Variants in SLIT2 observed in about 807,000 individuals in gnomAD.
SLIT2 encodes the protein slit homolog 2 protein.
In SLIT2, 41 loss-of-function variants were observed where a neutral mutation model predicts 185.7. The ratio of observed to expected loss-of-function variants is 0.22; its 90% CI spans 0.17 to 0.29. The LOEUF (loss-of-function observed/expected upper bound fraction) is 0.29. Among genes scored for constraint, SLIT2 ranks in the 10% least tolerant of loss-of-function variants. SLIT2 has a pLI of 1.00. For missense variants in SLIT2, 1,571 were observed against 1,909.0 expected, an observed-to-expected ratio of 0.82 and a Z score of 3.30; for synonymous variants, 693 against 680.2, an observed-to-expected ratio of 1.02 and a Z score of -0.29.
In SLIT2 at chr4:20,617,753, G is replaced by A. The variant is rs73801881; in HGVS notation, c.4348+103G>A. ...AAAGTGAAAAAAAAAAAAAAAACAG[G>A]AGCAACAGAGACAGAGAGAGGGGAG... is the stretch of plus-strand genomic sequence containing the variant. On this transcript the variant is annotated intron_variant, in intron 36 of 36. Coordinates refer to ENST00000504154, the MANE Select transcript of SLIT2 (RefSeq NM_004787.4). 2,041 of 734,890 alleles carry A rather than the reference G, an allele frequency of 2.8e-3. 29 individuals are homozygous for A. The African/African-American group carries it at 0.032, about 12-fold the overall frequency. The allele number at this position is 734,890 out of a possible 1,614,324, so 45.5% of individuals were successfully genotyped here.
At chr4:20,308,573 T>C (rs576096171) in intron 4 of SLIT2, among the ~76,000 whole-genome samples, 1 of 152,208 alleles carries the variant, frequency 6.6e-6, no homozygotes, top group South Asian at 2.1e-4. Flanking sequence ...TCCAGTTGCT[T>C]TGAGTATCAG....
chr4:20,562,806 C>A (rs1283514839), intron 26 of SLIT2, among the ~76,000 whole-genome samples: 1 of 151,712 alleles, frequency 6.6e-6, no homozygotes, highest in Non-Finnish European at 1.5e-5. Flanking sequence ...CATCAAATAT[C>A]CCCAGGATGT....
rs567691666 is a variant in SLIT2 at position 20,541,336 on chromosome 4, G to T, written c.1977-117G>T. Reference sequence around the variant, plus strand: ...CTGAGTAAGAATGGGGACAGGGAATGCAAAGAAGAAGGAATCATTCCAGCG... The same window carrying T: ...CTGAGTAAGAATGGGGACAGGGAATTCAAAGAAGAAGGAATCATTCCAGCG... On this transcript the variant is annotated intron_variant, in intron 19 of 36. Coordinates refer to ENST00000504154, the MANE Select transcript of SLIT2 (RefSeq NM_004787.4). The T allele has an allele frequency of 4.9e-4, 397 of 802,726 alleles. 1 individual carries two copies. In the Admixed American group the frequency reaches 5.8e-3, roughly 12 times the overall value. The allele number at this position is 802,726 out of a possible 1,614,324, so 49.7% of individuals were successfully genotyped here.
intron 26 of SLIT2, among the ~76,000 whole-genome samples, chr4:20,560,391 A>G (rs1405983838): frequency 6.6e-6 from 1 of 151,978 alleles, no homozygotes; most frequent in African/African-American, 2.4e-5. Context: ...ATTTTGATGC[A>G]TAACAGAAAT....
chr4:20,299,818 T>C (rs1402574035), intron 4 of SLIT2, among the ~76,000 whole-genome samples: 1 of 152,050 alleles, frequency 6.6e-6, no homozygotes, highest in Non-Finnish European at 1.5e-5. Flanking sequence ...GCCTTGGCTG[T>C]CCATAGGGCT....
intron 12 of SLIT2, 31 bp from the exon 13 acceptor site, chr4:20,523,729 A>T (rs1238720623): frequency 1.2e-6 from 2 of 1,603,636 alleles, no homozygotes; most frequent in South Asian, 2.2e-5. Context: ...AAGATGCTAC[A>T]CTTTAATTCT....
chr4:20,490,964 C>T (rs1461471762), intron 8 of SLIT2: 3 of 617,844 alleles, frequency 4.9e-6, no homozygotes, highest in African/African-American at 3.7e-5. Flanking sequence ...GGGCAGTCCC[C>T]ACTGTCTTCC....
chr4:20,425,135 A>G, intron 4 of SLIT2, among the ~76,000 whole-genome samples: 1 of 152,024 alleles, frequency 6.6e-6, no homozygotes. Flanking sequence ...CAATTTCTGG[A>G]TTGTTTTTGA....
At chr4:20,442,045 A>G (rs550844750) in intron 4 of SLIT2, among the ~76,000 whole-genome samples, 2 of 152,232 alleles carry the variant, frequency 1.3e-5, no homozygotes, top group African/African-American at 4.8e-5. Context: ...GAAAAATATA[A>G]ATGTTATAGT....
intron 4 of SLIT2, among the ~76,000 whole-genome samples, chr4:20,452,430 C>G (rs1185134973): frequency 6.6e-6 from 1 of 152,174 alleles, no homozygotes. Context: ...AAGCACCTTC[C>G]TACTAATTAT....
intron 4 of SLIT2, among the ~76,000 whole-genome samples, chr4:20,347,459 C>G (rs753074160): frequency 6.6e-6 from 1 of 152,192 alleles, no homozygotes; most frequent in East Asian, 1.9e-4. Context: ...GAGAAGACTA[C>G]ATTATTTACC....
chr4:20,335,065 C>T (rs917935641), intron 4 of SLIT2, among the ~76,000 whole-genome samples: 1 of 151,928 alleles, frequency 6.6e-6, no homozygotes, highest in East Asian at 1.9e-4. Flanking sequence ...CTGTGTAGTC[C>T]CAAAGGGCTG....
At chr4:20,511,591 T>TTTTTTTTTTATTTA (rs1719735671) in intron 11 of SLIT2, among the ~76,000 whole-genome samples, 1 of 132,708 alleles carries the variant, frequency 7.5e-6, no homozygotes, top group Admixed American at 7.8e-5. Flanking sequence ...CAGCTAATTT[T>TTTTTTTTTTATTTA]TTTTTTTTTT....
intron 4 of SLIT2, among the ~76,000 whole-genome samples, chr4:20,418,130 A>C (rs1463514018): frequency 2.0e-5 from 3 of 152,166 alleles, no homozygotes; most frequent in African/African-American, 7.2e-5. Context: ...TTGGCATGGG[A>C]ATGGATGACT....
chr4:20,441,537 C>G (rs1329542552), intron 4 of SLIT2, among the ~76,000 whole-genome samples: 1 of 149,722 alleles, frequency 6.7e-6, no homozygotes, highest in East Asian at 2.0e-4. Flanking sequence ...CTCTCTCTCT[C>G]TCTCTCTCTC....
chr4:20,438,400 AAG>A (rs1442923020), intron 4 of SLIT2, among the ~76,000 whole-genome samples: 4 of 152,186 alleles, frequency 2.6e-5, no homozygotes, highest in African/African-American at 9.6e-5. Context: ...GCCACAGGCA[AAG>A]AGAGAGTTTG....
At chr4:20,572,454 T>G (rs904397647) in intron 29 of SLIT2, among the ~76,000 whole-genome samples, 3 of 152,174 alleles carry the variant, frequency 2.0e-5, no homozygotes, top group Non-Finnish European at 2.9e-5. Flanking sequence ...TGATTTTGAT[T>G]TTTTGTTTGG....
chr4:20,310,391 G>A (rs947634638), intron 4 of SLIT2, among the ~76,000 whole-genome samples: 10 of 152,120 alleles, frequency 6.6e-5, no homozygotes, highest in East Asian at 5.8e-4. Flanking sequence ...CCAAGACTTC[G>A]TTCCTTCTGT....
chr4:20,345,450 CT>C (rs1721306939), intron 4 of SLIT2, among the ~76,000 whole-genome samples: 1 of 151,556 alleles, frequency 6.6e-6, no homozygotes, highest in Non-Finnish European at 1.5e-5. Context: ...ACTAATGGTA[CT>C]TTAAAAATCT....
Sources: gnomAD v4.1 joint callset for allele counts (sites outside exome capture counted in the v4.1 genomes callset) on GRCh38, gnomAD v4.1.1 for gene constraint, MANE v1.5 for transcripts, NCBI Gene and HGNC (gene_info 2026-07-23, HGNC 2026-07-21) for gene names.